MAMDC2: variants seen among roughly 807,000 people sequenced by gnomAD.
The protein encoded by MAMDC2 is MAM domain-containing protein 2.
Under a neutral mutation model 89.8 loss-of-function variants are expected in MAMDC2, and 57 were observed. The ratio of observed to expected loss-of-function variants is 0.63; its 90% CI spans 0.51 to 0.79. The LOEUF (loss-of-function observed/expected upper bound fraction) is 0.79, where lower values mean the gene tolerates loss of function less well. Ranked by LOEUF, MAMDC2 falls within the 30% of genes least tolerant of loss-of-function variation. The pLI is 0.00. For missense variants in MAMDC2, 800 were observed against 820.6 expected, an observed-to-expected ratio of 0.97 and a Z score of 0.31; for synonymous variants, 313 against 293.4, an observed-to-expected ratio of 1.07 and a Z score of -0.68.
At chr9:70,184,410 G>A (rs935607016) in intron 11 of MAMDC2, among the ~76,000 whole-genome samples, 1 of 152,030 alleles carries the variant, frequency 6.6e-6, no homozygotes, top group Admixed American at 6.6e-5. Flanking sequence ...TGTATTTCCT[G>A]AATTTGAATG....
intron 2 of MAMDC2, among the ~76,000 whole-genome samples, chr9:70,052,190 G>A (rs1206332028): frequency 6.6e-6 from 1 of 152,128 alleles, no homozygotes; most frequent in South Asian, 2.1e-4. Flanking sequence ...TTCTCCAGAT[G>A]TAAGAAAGAA....
chr9:70,205,314 TAAAC>T (rs1294768926), intron 11 of MAMDC2, among the ~76,000 whole-genome samples: 1 of 152,238 alleles, frequency 6.6e-6, no homozygotes, highest in Non-Finnish European at 1.5e-5. Context: ...CCGTACCCAT[TAAAC>T]AATAACTCCT....
At chr9:70,207,053 A>C (rs1455527782) in intron 11 of MAMDC2, among the ~76,000 whole-genome samples, 2 of 152,220 alleles carry the variant, frequency 1.3e-5, no homozygotes, top group Non-Finnish European at 2.9e-5. Flanking sequence ...GGTTGGTTCC[A>C]AGGCTTTGCT....
intron 11 of MAMDC2, among the ~76,000 whole-genome samples, chr9:70,205,371 G>A (rs2118645216): frequency 6.6e-6 from 1 of 152,194 alleles, no homozygotes; most frequent in Admixed American, 6.5e-5. Flanking sequence ...GTATAGTAAA[G>A]AGAAATTTTA....
chr9:70,202,971 C>T (rs1419272377), intron 11 of MAMDC2, among the ~76,000 whole-genome samples: 1,573 of 151,876 alleles, frequency 0.01, 30 homozygotes, highest in African/African-American at 0.035. Context: ...GATGGGTTTC[C>T]TGAATACAGC....
chr9:70,204,761 C>A (rs1248502858), intron 11 of MAMDC2, among the ~76,000 whole-genome samples: 2 of 152,012 alleles, frequency 1.3e-5, no homozygotes, highest in African/African-American at 4.8e-5. Flanking sequence ...TCTCGTGGTG[C>A]GCCGTTTTTT....
intron 11 of MAMDC2, among the ~76,000 whole-genome samples, chr9:70,212,270 C>G (rs1433805202): frequency 1.3e-5 from 2 of 152,224 alleles, no homozygotes; most frequent in Non-Finnish European, 2.9e-5. Context: ...CTGTGGTGGG[C>G]TCCACCCAGT....
intron 2 of MAMDC2, among the ~76,000 whole-genome samples, chr9:70,072,865 G>C (rs1439680398): frequency 6.6e-6 from 1 of 152,046 alleles, no homozygotes; most frequent in Non-Finnish European, 1.5e-5. Flanking sequence ...TTTGGAGACA[G>C]AGTCTCGCTC....
chr9:70,221,380 T>TATATATATATATATAGAGAGAGAG, intron 12 of MAMDC2, among the ~76,000 whole-genome samples: 2 of 7,042 alleles, frequency 2.8e-4, no homozygotes, highest in African/African-American at 8.7e-4. Context: ...TATATATATA[T>TATATATATATATATAGAGAGAGAG]AGAGAGAGAG....
intron 2 of MAMDC2, among the ~76,000 whole-genome samples, chr9:70,056,313 A>G (rs149087673): frequency 2.2e-4 from 34 of 152,328 alleles, no homozygotes; most frequent in Middle Eastern, 3.4e-3. Context: ...TTTTGATCCT[A>G]TATTAGCCAA....
At chr9:70,076,378 AC>A (rs1827534196) in intron 2 of MAMDC2, among the ~76,000 whole-genome samples, 1 of 151,900 alleles carries the variant, frequency 6.6e-6, no homozygotes, top group African/African-American at 2.4e-5. Context: ...CCAAGGTCAC[AC>A]TAGTGCACTT....
At chr9:70,212,776 T>C (rs1193052927) in intron 11 of MAMDC2, among the ~76,000 whole-genome samples, 6 of 152,198 alleles carry the variant, frequency 3.9e-5, no homozygotes, top group Non-Finnish European at 8.8e-5. Context: ...TTTATGGTAC[T>C]AAATACAAAG....
chr9:70,133,353 A>G (rs955364632), intron 7 of MAMDC2, among the ~76,000 whole-genome samples: 2 of 152,208 alleles, frequency 1.3e-5, no homozygotes, highest in African/African-American at 2.4e-5. Flanking sequence ...GCTCTTTCCT[A>G]CTACACAGGT....
At chr9:70,093,122 A>G (rs189525852) in intron 2 of MAMDC2, among the ~76,000 whole-genome samples, 123 of 152,260 alleles carry the variant, frequency 8.1e-4, no homozygotes, top group Non-Finnish European at 1.5e-3. Context: ...TACTATAGTG[A>G]AATTTTCATA....
intron 11 of MAMDC2, among the ~76,000 whole-genome samples, chr9:70,192,563 A>C (rs1209165818): frequency 6.6e-6 from 1 of 152,074 alleles, no homozygotes; most frequent in Non-Finnish European, 1.5e-5. Flanking sequence ...ATAAAAATTT[A>C]TATTTATATT....
At chr9:70,091,036 A>T (rs1256533159) in intron 2 of MAMDC2, among the ~76,000 whole-genome samples, 1 of 152,232 alleles carries the variant, frequency 6.6e-6, no homozygotes, top group Non-Finnish European at 1.5e-5. Flanking sequence ...AACTGTTTGT[A>T]GAAAAATTAA....
intron 2 of MAMDC2, among the ~76,000 whole-genome samples, chr9:70,051,696 G>C (rs925572857): frequency 6.6e-6 from 1 of 152,134 alleles, no homozygotes; most frequent in African/African-American, 2.4e-5. Context: ...AGTTAAACTT[G>C]TCTTGGGTAT....
chr9:70,161,309 CAGAAAGA>C (rs1241746018), intron 9 of MAMDC2, among the ~76,000 whole-genome samples: 1 of 152,152 alleles, frequency 6.6e-6, no homozygotes, highest in Admixed American at 6.5e-5. Flanking sequence ...CTCCTGGGAG[CAGAAAGA>C]CTTTCACACT....
intron 6 of MAMDC2, among the ~76,000 whole-genome samples, chr9:70,129,741 T>C (rs1423863127): frequency 6.6e-6 from 1 of 152,230 alleles, no homozygotes; most frequent in Non-Finnish European, 1.5e-5. Flanking sequence ...GATAATTTGC[T>C]AGATACAGAG....
Sources: allele counts gnomAD v4.1 joint callset (sites outside exome capture counted in the v4.1 genomes callset), GRCh38; gene constraint gnomAD v4.1.1; transcripts MANE v1.5; gene names NCBI Gene and HGNC (gene_info 2026-07-23, HGNC 2026-07-21).